CNBD1: variants seen among roughly 807,000 people sequenced by gnomAD.
The protein encoded by CNBD1 is cyclic nucleotide-binding domain-containing protein 1.
Under a neutral mutation model 54.4 loss-of-function variants are expected in CNBD1, and 71 were observed. The ratio of observed to expected loss-of-function variants is 1.30; its 90% CI spans 1.08 to 1.59. CNBD1 has a LOEUF of 1.59. Among genes scored for constraint, CNBD1 ranks in the 40% most tolerant of loss-of-function variants. The pLI is 0.00. For synonymous variants in CNBD1, 182 were observed against 170.7 expected (o/e 1.07, Z -0.51); for missense variants, 659 against 518.0 (o/e 1.27, Z -2.64).
At chr8:87,010,839 T>TA (rs1171896597) in intron 4 of CNBD1, among the ~76,000 whole-genome samples, 1 of 152,230 alleles carries the variant, frequency 6.6e-6, no homozygotes, top group African/African-American at 2.4e-5. Flanking sequence ...TTTAAATTGA[T>TA]ATCTGAAACT....
intron 4 of CNBD1, among the ~76,000 whole-genome samples, chr8:87,195,359 A>T (rs974711032): frequency 5.8e-4 from 86 of 148,684 alleles, no homozygotes; most frequent in African/African-American, 2.1e-3. Flanking sequence ...CTCCCAAATA[A>T]CTGGGATTAC....
intron 2 of CNBD1, among the ~76,000 whole-genome samples, chr8:86,893,182 A>G (rs1808798689): frequency 1.3e-5 from 2 of 152,186 alleles, no homozygotes; most frequent in South Asian, 2.1e-4. Flanking sequence ...CATTTATTCA[A>G]TAGGTTGTTA....
intron 2 of CNBD1, among the ~76,000 whole-genome samples, chr8:87,422,922 C>CAA (rs1563596536): frequency 6.6e-6 from 1 of 151,952 alleles, no homozygotes; most frequent in East Asian, 1.9e-4. Context: ...AATGTTCTTC[C>CAA]GTTTGTTTGT....
chr8:87,326,048 C>CTCCT (rs1427497016), intron 8 of CNBD1, among the ~76,000 whole-genome samples: 2 of 121,642 alleles, frequency 1.6e-5, no homozygotes, highest in African/African-American at 6.3e-5. Context: ...TATTTTATTT[C>CTCCT]TCCTTCACTT....
rs538022308 is a variant in CNBD1, at chr8:87,075,545, T to A, written c.432-130448T>A. The stretch of plus-strand genomic sequence containing the variant: ...CTTTTTCCCTCCCTAGTTCCTGTTT[T>A]TGTTGTTTTTTTCAGACATTGTTAA... On this transcript the variant is annotated intron_variant, in intron 4 of 10. Coordinates refer to ENST00000518476, the MANE Select transcript of CNBD1 (RefSeq NM_173538.3). 6.4e-4 allele frequency among the ~76,000 whole-genome samples: 97 copies of A among 152,324 alleles called. No homozygotes were observed. In the Middle Eastern group the frequency reaches 0.024, roughly 37 times the overall value.
intron 4 of CNBD1, among the ~76,000 whole-genome samples, chr8:87,008,982 G>T (rs1809159399): frequency 6.6e-6 from 1 of 151,654 alleles, no homozygotes; most frequent in Non-Finnish European, 1.5e-5. Context: ...ATTATAATTT[G>T]GGTTGAAATT....
intron 3 of CNBD1, among the ~76,000 whole-genome samples, chr8:86,912,957 A>G (rs891441051): frequency 1.3e-5 from 2 of 152,188 alleles, no homozygotes; most frequent in African/African-American, 4.8e-5. Context: ...AAAAATAAAA[A>G]TAAAAAATTT....
chr8:87,382,721 G>T lies in CNBD1; in HGVS notation c.*94G>T. The stretch of plus-strand genomic sequence containing the variant: ...GGAATACTATCAAACTACCAGCAAT[G>T]AATTTGGTCTATTGTGACTACATAT... On this transcript the variant is annotated 3_prime_UTR_variant, in exon 11 of 11. Coordinates refer to ENST00000518476, the MANE Select transcript of CNBD1 (RefSeq NM_173538.3). 2.0e-6 allele frequency: 2 copies of T among 1,003,080 alleles called. No individual in the cohort carries two copies. The highest frequency in any genetic ancestry group is 1.6e-5 in the South Asian group (1 of 63,760). The allele number at this position is 1,003,080 out of a possible 1,614,324, so 62.1% of individuals were successfully genotyped here. A position where few individuals can be genotyped will look rare whatever the true frequency, so the allele number is the denominator to read the frequency against.
At chr8:87,393,589 G>T (rs1811354668) in intron 2 of CNBD1, among the ~76,000 whole-genome samples, 1 of 151,730 alleles carries the variant, frequency 6.6e-6, no homozygotes. Context: ...ATAATAGTCT[G>T]GCTTGTGAAA....
intron 2 of CNBD1, among the ~76,000 whole-genome samples, chr8:87,418,021 T>A (rs1807864270): frequency 6.6e-6 from 1 of 151,982 alleles, no homozygotes; most frequent in South Asian, 2.1e-4. Context: ...TTAAAATTCC[T>A]GCTCTCCGTT....
At chr8:87,136,362 T>A (rs1247417512) in intron 4 of CNBD1, among the ~76,000 whole-genome samples, 2 of 150,552 alleles carry the variant, frequency 1.3e-5, no homozygotes, top group Non-Finnish European at 3.0e-5. Flanking sequence ...ACACATGTAA[T>A]TACTTTTAAC....
chr8:87,140,068 T>C (rs1812341571), intron 4 of CNBD1, among the ~76,000 whole-genome samples: 1 of 152,156 alleles, frequency 6.6e-6, no homozygotes, highest in African/African-American at 2.4e-5. Flanking sequence ...AAAATTGTAA[T>C]AACTTCAAGA....
At chr8:87,309,401 A>T (rs554658582) in intron 8 of CNBD1, among the ~76,000 whole-genome samples, 7 of 152,218 alleles carry the variant, frequency 4.6e-5, no homozygotes, top group Admixed American at 2.0e-4. Flanking sequence ...GCTGTCTTTT[A>T]TTCGGGTCAA....
chr8:86,947,393 G>T (rs1663989684), intron 4 of CNBD1, among the ~76,000 whole-genome samples: 1 of 152,020 alleles, frequency 6.6e-6, no homozygotes, highest in African/African-American at 2.4e-5. Context: ...CATAAAATTT[G>T]GTTTCCAAAT....
At chr8:87,201,708 C>T (rs918986190) in intron 4 of CNBD1, among the ~76,000 whole-genome samples, 7 of 152,028 alleles carry the variant, frequency 4.6e-5, no homozygotes, top group African/African-American at 1.7e-4. Flanking sequence ...AAGGTAAAGA[C>T]GGTCCAAGTA....
intron 4 of CNBD1, among the ~76,000 whole-genome samples, chr8:87,168,826 T>C (rs181341812): frequency 4.0e-4 from 61 of 152,200 alleles, no homozygotes; most frequent in African/African-American, 1.3e-3. Flanking sequence ...TTAAAATTCA[T>C]CTGTTGATGG....
At chr8:87,343,540 CAT>C (rs1243775857) in intron 8 of CNBD1, among the ~76,000 whole-genome samples, 3 of 152,184 alleles carry the variant, frequency 2.0e-5, no homozygotes, top group Non-Finnish European at 4.4e-5. Context: ...GATTATAAAA[CAT>C]GTAACTTATA....
intron 4 of CNBD1, among the ~76,000 whole-genome samples, chr8:87,049,044 G>A (rs766789044): frequency 2.0e-5 from 3 of 152,186 alleles, no homozygotes; most frequent in Non-Finnish European, 4.4e-5. Context: ...GTGTATCCTT[G>A]AGATGTGGCT....
chr8:87,181,115 T>C (rs1333356490), intron 4 of CNBD1, among the ~76,000 whole-genome samples: 1 of 152,202 alleles, frequency 6.6e-6, no homozygotes, highest in Non-Finnish European at 1.5e-5. Context: ...TTTATCATTA[T>C]TTTTATATTT....
Sources: gnomAD v4.1 joint callset for allele counts (sites outside exome capture counted in the v4.1 genomes callset) on GRCh38, gnomAD v4.1.1 for gene constraint, MANE v1.5 for transcripts, NCBI Gene and HGNC (gene_info 2026-07-23, HGNC 2026-07-21) for gene names.